Variants in PCDH9 observed in about 807,000 individuals in gnomAD.
PCDH9 encodes the protein protocadherin 9.
Under a neutral mutation model 70.6 loss-of-function variants are expected in PCDH9, and 24 were observed. The ratio of observed to expected loss-of-function variants is 0.34; its 90% CI spans 0.25 to 0.48. PCDH9 has a LOEUF of 0.48. Among genes scored for constraint, PCDH9 ranks in the 20% least tolerant of loss-of-function variants. PCDH9 has a pLI of 0.99. For missense variants in PCDH9, 1,281 were observed against 1,503.6 expected, an observed-to-expected ratio of 0.85 and a Z score of 2.45; for synonymous variants, 562 against 558.5, an observed-to-expected ratio of 1.01 and a Z score of -0.09.
intron 3 of PCDH9, among the ~76,000 whole-genome samples, chr13:66,871,137 A>G (rs1485720358): frequency 1.3e-5 from 2 of 151,692 alleles, no homozygotes; most frequent in Non-Finnish European, 2.9e-5. Context: ...CTATCGCAAG[A>G]ACAAAAAACC....
At chr13:66,527,552 G>T (rs1960270821) in intron 4 of PCDH9, among the ~76,000 whole-genome samples, 1 of 151,898 alleles carries the variant, frequency 6.6e-6, no homozygotes, top group Non-Finnish European at 1.5e-5. Flanking sequence ...AGAACTTTTT[G>T]TTTTTTTGGA....
intron 3 of PCDH9, among the ~76,000 whole-genome samples, chr13:66,706,808 A>G (rs1249263458): frequency 1.3e-5 from 2 of 152,180 alleles, no homozygotes; most frequent in Non-Finnish European, 2.9e-5. Flanking sequence ...CAAGGAGTAA[A>G]AAGAGTCAGT....
intron 3 of PCDH9, among the ~76,000 whole-genome samples, chr13:66,798,666 A>G (rs1420727976): frequency 2.0e-5 from 3 of 152,294 alleles, no homozygotes; most frequent in Admixed American, 1.3e-4. Flanking sequence ...TCGCCTTCCC[A>G]ATATCAAACA....
intron 2 of PCDH9, among the ~76,000 whole-genome samples, chr13:67,147,317 A>G (rs2087546060): frequency 6.6e-6 from 1 of 152,192 alleles, no homozygotes. Flanking sequence ...AATTATTCAT[A>G]TCTACTTAGG....
intron 4 of PCDH9, among the ~76,000 whole-genome samples, chr13:66,315,479 C>A (rs1955634005): frequency 6.6e-6 from 1 of 152,138 alleles, no homozygotes; most frequent in Admixed American, 6.6e-5. Context: ...CCAAGCCACT[C>A]TCTTTTTTTT....
chr13:67,061,412 T>C (rs780182185), intron 2 of PCDH9, among the ~76,000 whole-genome samples: 3 of 151,976 alleles, frequency 2.0e-5, no homozygotes, highest in Non-Finnish European at 4.4e-5. Context: ...TCTCTCTCTA[T>C]ATATATATGT....
At chr13:66,419,652 C>G (rs544109229) in intron 4 of PCDH9, among the ~76,000 whole-genome samples, 1 of 152,070 alleles carries the variant, frequency 6.6e-6, no homozygotes, top group Non-Finnish European at 1.5e-5. Flanking sequence ...ATGGTTTTTG[C>G]AACCCATAGA....
intron 4 of PCDH9, among the ~76,000 whole-genome samples, chr13:66,542,771 A>G (rs36068454): frequency 0.23 from 34,215 of 146,522 alleles, 4,436 homozygotes; most frequent in South Asian, 0.34. Flanking sequence ...TTATATATTT[A>G]AACATATATA....
intron 3 of PCDH9, among the ~76,000 whole-genome samples, chr13:66,648,384 A>G (rs2077801844): frequency 6.6e-6 from 1 of 152,186 alleles, no homozygotes. Flanking sequence ...TTTGTTCAGG[A>G]GAAAGTAAGG....
intron 2 of PCDH9, among the ~76,000 whole-genome samples, chr13:66,919,243 C>T (rs1015053732): frequency 1.3e-5 from 2 of 151,236 alleles, no homozygotes; most frequent in African/African-American, 4.8e-5. Context: ...TTGTTCTATG[C>T]TTCATCCCAA....
intron 2 of PCDH9, among the ~76,000 whole-genome samples, chr13:67,182,054 CTCT>C (rs2088630598): frequency 6.6e-6 from 1 of 152,160 alleles, no homozygotes; most frequent in African/African-American, 2.4e-5. Flanking sequence ...GCCCCTGGAT[CTCT>C]TCTTTCACTT....
chr13:66,662,910 C>T (rs186901759), intron 3 of PCDH9, among the ~76,000 whole-genome samples: 33 of 152,202 alleles, frequency 2.2e-4, no homozygotes, highest in Admixed American at 1.8e-3. Flanking sequence ...AGATTTCTAG[C>T]GGGCTGTATC....
intron 2 of PCDH9, among the ~76,000 whole-genome samples, chr13:67,155,196 G>A (rs774401484): frequency 1.8e-4 from 28 of 152,228 alleles, no homozygotes; most frequent in Admixed American, 1.3e-3. Context: ...AAAACTGTCT[G>A]GAACTGAATG....
At chr13:66,782,543 C>T (rs574182126) in intron 3 of PCDH9, among the ~76,000 whole-genome samples, 1 of 152,048 alleles carries the variant, frequency 6.6e-6, no homozygotes, top group East Asian at 1.9e-4. Flanking sequence ...GAAAAAAAGC[C>T]AACAATGTCA....
At chr13:67,104,008 T>C (rs528857454) in intron 2 of PCDH9, among the ~76,000 whole-genome samples, 2 of 152,320 alleles carry the variant, frequency 1.3e-5, no homozygotes, top group African/African-American at 4.8e-5. Flanking sequence ...ATATTACATA[T>C]ACAAAGTAAG....
intron 2 of PCDH9, among the ~76,000 whole-genome samples, chr13:67,055,937 A>G (rs260127): frequency 0.99 from 151,144 of 152,296 alleles, 75,015 homozygotes; most frequent in East Asian, 1. Flanking sequence ...AGGATCACTT[A>G]AGGCCAGGAG....
chr13:67,016,097 C>T (rs1181573476), intron 2 of PCDH9, among the ~76,000 whole-genome samples: 1 of 151,940 alleles, frequency 6.6e-6, no homozygotes, highest in Non-Finnish European at 1.5e-5. Context: ...CTTTAGTGTA[C>T]CTTTAGGTTT....
At chr13:66,401,383 C>A (rs1281131974) in intron 4 of PCDH9, among the ~76,000 whole-genome samples, 1 of 151,786 alleles carries the variant, frequency 6.6e-6, no homozygotes, top group Admixed American at 6.6e-5. Context: ...TCATTCTTCT[C>A]ATTCCTGCTG....
intron 4 of PCDH9, among the ~76,000 whole-genome samples, chr13:66,460,554 C>G (rs1397688254): frequency 6.6e-6 from 1 of 151,804 alleles, no homozygotes; most frequent in Non-Finnish European, 1.5e-5. Flanking sequence ...TTTATAAAAT[C>G]CTGAGCCTTT....
Sources: gnomAD v4.1 joint callset for allele counts (sites outside exome capture counted in the v4.1 genomes callset) on GRCh38, gnomAD v4.1.1 for gene constraint, MANE v1.5 for transcripts, NCBI Gene and HGNC (gene_info 2026-07-23, HGNC 2026-07-21) for gene names.